STIM2: variants seen among roughly 807,000 people sequenced by gnomAD.
STIM2 encodes stromal interaction molecule 2.
A neutral mutation model predicts 85.8 loss-of-function variants in STIM2; 31 were observed. The ratio of observed to expected loss-of-function variants is 0.36; its 90% confidence interval spans 0.27 to 0.49. The LOEUF (loss-of-function observed/expected upper bound fraction) is 0.49, where lower values mean the gene tolerates loss of function less well. STIM2 is among the 20% of genes least tolerant of loss of function. STIM2 has a pLI of 0.98. For missense variants in STIM2, 841 were observed against 927.6 expected, an observed-to-expected ratio of 0.91 and a Z score of 1.21; for synonymous variants, 356 against 331.1, an observed-to-expected ratio of 1.08 and a Z score of -0.82.
chr4:26,899,426 C>T (rs1384920639), intron 1 of STIM2, among the ~76,000 whole-genome samples: 1 of 152,012 alleles, frequency 6.6e-6, no homozygotes, highest in African/African-American at 2.4e-5. Flanking sequence ...ATAAGTGTTT[C>T]ACTACCTTTT....
In STIM2 at chr4:26,982,545, A is replaced by AT. The variant is rs529310360; in HGVS notation, c.398-12828dup. ...TTTTATATATCCTTCTATATCCATC[A>AT]TTTTTTGAGCTCTTCCCTACTTATT... On this transcript the variant is annotated intron_variant, in intron 3 of 11. Transcript: ENST00000467087. Among the ~76,000 whole-genome samples the AT allele has an allele frequency of 2.5e-3, 378 of 152,078 alleles. 2 individuals carry two copies. The highest frequency in any genetic ancestry group is 8.4e-3 in the African/African-American group (350 of 41,478).
chr4:26,866,228 T>C (rs566699565), intron 1 of STIM2, among the ~76,000 whole-genome samples: 3 of 152,190 alleles, frequency 2.0e-5, no homozygotes, highest in Non-Finnish European at 4.4e-5. Flanking sequence ...GCTGTCTTTA[T>C]CTTCATATAG....
intron 3 of STIM2, among the ~76,000 whole-genome samples, chr4:26,961,034 G>C (rs944836170): frequency 2.0e-5 from 3 of 151,490 alleles, no homozygotes; most frequent in African/African-American, 4.8e-5. Context: ...AAAAATACTT[G>C]TACCGCTAAA....
intron 1 of STIM2, among the ~76,000 whole-genome samples, chr4:26,862,977 G>T (rs1451102362): frequency 6.6e-6 from 1 of 152,172 alleles, no homozygotes; most frequent in Non-Finnish European, 1.5e-5. Flanking sequence ...GAAAAATGTG[G>T]TTAATACATA....
chr4:26,873,482 A>AG (rs1722704607), intron 1 of STIM2: 1 of 327,620 alleles, frequency 3.1e-6, no homozygotes, highest in Non-Finnish European at 6.0e-6. Flanking sequence ...ATGTGGCCAG[A>AG]GCAGGGGGGC....
At chr4:26,962,297 TTC>T (rs1224689302) in intron 3 of STIM2, among the ~76,000 whole-genome samples, 1 of 152,228 alleles carries the variant, frequency 6.6e-6, no homozygotes, top group Non-Finnish European at 1.5e-5. Context: ...TAAAGGTTGA[TTC>T]TCTCATTCAG....
intron 1 of STIM2, among the ~76,000 whole-genome samples, chr4:26,916,085 A>G (rs1319349541): frequency 3.3e-5 from 5 of 152,228 alleles, no homozygotes; most frequent in Non-Finnish European, 2.9e-5. Flanking sequence ...AGCAGGTTGT[A>G]TATTTTAAAA....
intron 2 of STIM2, among the ~76,000 whole-genome samples, chr4:26,934,829 C>T (rs1445505172): frequency 2.0e-5 from 3 of 147,730 alleles, no homozygotes; most frequent in African/African-American, 7.5e-5. Context: ...AGGAGAATCA[C>T]TTGAACCCGG....
chr4:27,008,554 T>G, intron 9 of STIM2, 26 bp downstream of exon 9: 1 of 1,491,294 alleles, frequency 6.7e-7, no homozygotes, highest in Non-Finnish European at 9.2e-7. Flanking sequence ...TCACTTTTAT[T>G]TGATTTATGT....
At chr4:26,904,196 G>C (rs181602043) in intron 1 of STIM2, among the ~76,000 whole-genome samples, 1 of 148,486 alleles carries the variant, frequency 6.7e-6, no homozygotes, top group Non-Finnish European at 1.5e-5. Flanking sequence ...AGCAATCTTG[G>C]AGACTAGGAA....
In STIM2 at chr4:26,898,603, A is replaced by AACTTTGATC. The variant is rs1342810988; in HGVS notation, c.152-20899_152-20891dup. On this transcript the variant is annotated intron_variant, in intron 1 of 11. Coordinates refer to ENST00000467087, the MANE Select transcript of STIM2 (RefSeq NM_020860.4). ...TGCATTTAGTAGCTGGACTGTCAAG[A>AACTTTGATC]ACTTTGATCAGTATTTTGGTTTTCA... Among the ~76,000 whole-genome samples, 3 of 152,214 alleles carry AACTTTGATC rather than the reference A, an allele frequency of 2.0e-5. No individual in the cohort carries two copies. The East Asian group carries it at 5.8e-4, about 29-fold the overall frequency.
At chr4:26,981,236 C>A (rs1230960024) in intron 3 of STIM2, among the ~76,000 whole-genome samples, 1 of 152,172 alleles carries the variant, frequency 6.6e-6, no homozygotes, top group African/African-American at 2.4e-5. Flanking sequence ...ACCCACCCCC[C>A]ACCTTAGAGG....
intron 3 of STIM2, among the ~76,000 whole-genome samples, chr4:26,982,223 T>TTGAA (rs144657789): frequency 0.024 from 3,675 of 152,226 alleles, 130 homozygotes; most frequent in African/African-American, 0.078. Flanking sequence ...AAGACATATT[T>TTGAA]TGAAACTAGG....
At chr4:26,976,832 T>A (rs1044136249) in intron 3 of STIM2, among the ~76,000 whole-genome samples, 1 of 152,096 alleles carries the variant, frequency 6.6e-6, no homozygotes, top group African/African-American at 2.4e-5. Flanking sequence ...ATTTTTCCTG[T>A]GAGACAGGAC....
chr4:26,996,365 G>A (rs532456895), intron 4 of STIM2, among the ~76,000 whole-genome samples: 1 of 151,836 alleles, frequency 6.6e-6, no homozygotes, highest in Non-Finnish European at 1.5e-5. Context: ...ATTTTTCCCT[G>A]GATGATTTCC....
chr4:27,009,608 T>C (rs1429853203), intron 10 of STIM2, among the ~76,000 whole-genome samples: 1 of 152,210 alleles, frequency 6.6e-6, no homozygotes, highest in Non-Finnish European at 1.5e-5. Flanking sequence ...AGACAGTTAA[T>C]GCAAGGAGAG....
At chr4:26,892,465 C>T (rs1723530456) in intron 1 of STIM2, among the ~76,000 whole-genome samples, 1 of 152,122 alleles carries the variant, frequency 6.6e-6, no homozygotes, top group Non-Finnish European at 1.5e-5. Context: ...ACTGACAGAC[C>T]TCCCAAAGGT....
intron 2 of STIM2, among the ~76,000 whole-genome samples, chr4:26,957,096 A>G (rs576713799): frequency 6.6e-6 from 1 of 152,298 alleles, no homozygotes; most frequent in African/African-American, 2.4e-5. Context: ...AAAATGATAT[A>G]GCATTTGGAT....
chr4:26,942,508 G>T (rs1158042111), intron 2 of STIM2, among the ~76,000 whole-genome samples: 1 of 151,936 alleles, frequency 6.6e-6, no homozygotes, highest in Non-Finnish European at 1.5e-5. Flanking sequence ...CTCTCCTCTT[G>T]TTTTTTCTTG....
Sources: allele counts gnomAD v4.1 joint callset (sites outside exome capture counted in the v4.1 genomes callset), GRCh38; gene constraint gnomAD v4.1.1; transcripts MANE v1.5; gene names NCBI Gene and HGNC (gene_info 2026-07-23, HGNC 2026-07-21).